Variants in PPEF1 observed in about 807,000 individuals in gnomAD.
PPEF1 encodes the protein serine/threonine-protein phosphatase with EF-hands 1.
In PPEF1, 12 loss-of-function variants were observed where a neutral mutation model predicts 53.3. That is an observed-to-expected ratio of 0.23 (90% CI 0.14 to 0.36). The LOEUF is 0.36. Among genes scored for constraint, PPEF1 ranks in the 10% least tolerant of loss-of-function variants. The probability of loss-of-function intolerance (pLI) is 1.00; values close to 1 mark genes in which losing one functional copy is unlikely to be tolerated. For missense variants in PPEF1, 334 were observed against 490.4 expected, an observed-to-expected ratio of 0.68 and a Z score of 3.01; for synonymous variants, 165 against 176.7, an observed-to-expected ratio of 0.93 and a Z score of 0.52.
rs1454891877 is a variant in PPEF1, at chrX:18,827,270, T to C, written c.1751-6T>C. Reference sequence around the variant, plus strand: ...ACACTCACAACCTTCTCCTATATTCTTTTAGGCCTGATCTCCGTGGAAGAA... The same window carrying C: ...ACACTCACAACCTTCTCCTATATTCCTTTAGGCCTGATCTCCGTGGAAGAA... On this transcript the variant is annotated splice_polypyrimidine_tract_variant and splice_region_variant and intron_variant, in intron 15 of 15. Transcript: ENST00000470157. 1.7e-6 allele frequency: 2 copies of C among 1,201,220 alleles called. No individual in the cohort carries two copies. The highest frequency in any genetic ancestry group is 5.9e-5 in the East Asian group (2 of 33,801).
At chrX:18,814,671 C>T (rs1414581940) in intron 12 of PPEF1, among the ~76,000 whole-genome samples, 2 of 111,330 alleles carry the variant, frequency 1.8e-5, no homozygotes, top group African/African-American at 6.5e-5. Context: ...ATCCTTTGCC[C>T]GCTTTTTAAT....
intron 8 of PPEF1, among the ~76,000 whole-genome samples, 173 bp from the exon 9 acceptor site, chrX:18,783,725 AC>A (rs2046143176): frequency 9.0e-6 from 1 of 110,601 alleles, no homozygotes; most frequent in Non-Finnish European, 1.9e-5. Flanking sequence ...CAAAAAAAAA[AC>A]AAAAACAAAA....
intron 1 of PPEF1, among the ~76,000 whole-genome samples, chrX:18,729,258 G>A (rs2044780312): frequency 8.9e-6 from 1 of 111,910 alleles, no homozygotes; most frequent in Admixed American, 9.5e-5. Flanking sequence ...AGAAGGTGGT[G>A]TGAATCATAC....
chrX:18,778,084 T>G (rs1344161810), intron 6 of PPEF1, among the ~76,000 whole-genome samples: 1 of 111,284 alleles, frequency 9.0e-6, no homozygotes, highest in Non-Finnish European at 1.9e-5. Flanking sequence ...TTTTTATATA[T>G]GAGTAGTTAA....
In PPEF1 at chrX:18,822,084, G is replaced by A. The variant is rs928564400; in HGVS notation, c.1502-1839G>A. ...CTCTCTTTGGGCTGTGCACCACCGCGTCTCCCACACACTAATGGTGAGGAA... is the reference window on the plus strand; with the variant it reads ...CTCTCTTTGGGCTGTGCACCACCGCATCTCCCACACACTAATGGTGAGGAA... On this transcript the variant is annotated intron_variant, in intron 13 of 15. Coordinates refer to ENST00000470157, the MANE Select transcript of PPEF1 (RefSeq NM_001377996.1). Among the ~76,000 whole-genome samples the A allele has an allele frequency of 9.8e-5, 11 of 111,760 alleles. No individual in the cohort carries two copies. In the South Asian group the frequency reaches 2.2e-3, roughly 23 times the overall value.
chrX:18,718,478 AGAGGATCACTTGAGCCCAG>A (rs941648081), intron 1 of PPEF1, among the ~76,000 whole-genome samples: 64 of 111,084 alleles, frequency 5.8e-4, no homozygotes, highest in African/African-American at 1.7e-3. Context: ...AGGCTGAGGC[AGAGGATCACTTGAGCCCAG>A]GAGGATCACT....
intron 3 of PPEF1, among the ~76,000 whole-genome samples, chrX:18,742,077 C>G (rs1056747434): frequency 9.0e-6 from 1 of 111,206 alleles, no homozygotes; most frequent in Admixed American, 9.6e-5. Context: ...GGATTACACA[C>G]ATGAGCCACT....
At chrX:18,813,786 G>C (rs2046853667) in intron 12 of PPEF1, among the ~76,000 whole-genome samples, 1 of 111,882 alleles carries the variant, frequency 8.9e-6, no homozygotes, top group South Asian at 3.7e-4. Flanking sequence ...AATTTCATCA[G>C]ATAAATTTTT....
intron 9 of PPEF1, among the ~76,000 whole-genome samples, chrX:18,788,048 G>A (rs920115815): frequency 3.6e-5 from 4 of 111,930 alleles, no homozygotes; most frequent in African/African-American, 1.3e-4. Context: ...CGGGTGCAGT[G>A]GCTCACGCCT....
intron 1 of PPEF1, among the ~76,000 whole-genome samples, chrX:18,715,769 C>A (rs1038121632): frequency 2.7e-5 from 3 of 111,629 alleles, no homozygotes; most frequent in Non-Finnish European, 5.6e-5. Flanking sequence ...GAATTGGAAC[C>A]AGATCTGGCA....
At chrX:18,727,489 T>C (rs2044735255) in intron 1 of PPEF1, among the ~76,000 whole-genome samples, 1 of 110,451 alleles carries the variant, frequency 9.1e-6, no homozygotes, top group Admixed American at 9.7e-5. Flanking sequence ...CCATTTTTTT[T>C]CTCCACTCTC....
chrX:18,784,076 C>A, intron 9 of PPEF1, 28 bp downstream of exon 9: 2 of 1,150,766 alleles, frequency 1.7e-6, no homozygotes, highest in Non-Finnish European at 2.3e-6. Context: ...CATGAATCTT[C>A]TCTCAGGGAT....
chrX:18,792,790 C>T (rs1346652731), intron 10 of PPEF1, among the ~76,000 whole-genome samples: 1 of 111,931 alleles, frequency 8.9e-6, no homozygotes, highest in Non-Finnish European at 1.9e-5. Context: ...AATGAAAGTA[C>T]ACTCCACAGT....
chrX:18,749,817 C>A lies in PPEF1; in HGVS notation c.261C>A (p.Ser87Arg), dbSNP rs769354165. The A allele has an allele frequency of 2.8e-5, 30 of 1,064,235 alleles. 1 individual carries two copies. The South Asian group carries it at 5.4e-4, about 19-fold the overall frequency. 87.7% of individuals were successfully genotyped at this position (1,064,235 alleles called of 1,213,427 possible). A position where few individuals can be genotyped will look rare whatever the true frequency, so the allele number is the denominator to read the frequency against. ...AATTAAGAAATCAGTCTCTTGAAAGCGAACAGGACATGAGGGATAGATGGG... is the reference window on the plus strand; with the variant it reads ...AATTAAGAAATCAGTCTCTTGAAAGAGAACAGGACATGAGGGATAGATGGG... ...ELELRNQSLE[S>R]EQDMRDRWDY... Residue 87 changes from serine (S) to arginine (R), a missense_variant, in exon 4 of 16, where the codon AGC becomes AGA. By Grantham distance (110) the Ser-to-Arg change is moderately radical. Coordinates refer to ENST00000470157, the MANE Select transcript of PPEF1 (RefSeq NM_001377996.1).
intron 1 of PPEF1, among the ~76,000 whole-genome samples, chrX:18,719,922 G>A (rs959738430): frequency 7.2e-5 from 8 of 111,770 alleles, no homozygotes; most frequent in Middle Eastern, 4.6e-3. Context: ...TTGTAAAGAG[G>A]CAAACACTTC....
intron 1 of PPEF1, among the ~76,000 whole-genome samples, chrX:18,709,763 G>A (rs761587165): frequency 6.2e-4 from 69 of 111,688 alleles, no homozygotes; most frequent in Admixed American, 6.7e-4. Flanking sequence ...CTCCCAAAGC[G>A]CTAGGATTAC....
intron 12 of PPEF1, among the ~76,000 whole-genome samples, chrX:18,810,738 A>G (rs960146233): frequency 8.9e-5 from 10 of 112,108 alleles, no homozygotes; most frequent in African/African-American, 3.2e-4. Context: ...ATAATATTCC[A>G]TTGTATGGAT....
chrX:18,732,095 G>A (rs1468969270), intron 2 of PPEF1, among the ~76,000 whole-genome samples: 1 of 112,559 alleles, frequency 8.9e-6, no homozygotes, highest in Non-Finnish European at 1.9e-5. Flanking sequence ...GATTACAGGC[G>A]TGAGCCACTG....
chrX:18,740,831 C>T (rs1569253306), intron 3 of PPEF1, among the ~76,000 whole-genome samples: 1 of 110,440 alleles, frequency 9.1e-6, no homozygotes, highest in African/African-American at 3.3e-5. Context: ...CCATGTATTT[C>T]TCCTGCAAAT....
Sources: gnomAD v4.1 joint callset for allele counts (sites outside exome capture counted in the v4.1 genomes callset) on GRCh38, gnomAD v4.1.1 for gene constraint, MANE v1.5 for transcripts, NCBI Gene and HGNC (gene_info 2026-07-23, HGNC 2026-07-21) for gene names.